The following DGKB variants were observed in gnomAD, a reference collection of about 807,000 sequenced individuals.
DGKB encodes the protein 90 kDa diacylglycerol kinase.
A neutral mutation model predicts 114.3 loss-of-function variants in DGKB; 67 were observed. The ratio of observed to expected loss-of-function variants is 0.59; its 90% CI spans 0.48 to 0.72. The LOEUF (loss-of-function observed/expected upper bound fraction) is 0.72, where lower values mean the gene tolerates loss of function less well. Among genes scored for constraint, DGKB ranks in the 30% least tolerant of loss-of-function variants. The probability of loss-of-function intolerance (pLI) is 0.00; values close to 1 mark genes in which losing one functional copy is unlikely to be tolerated. For missense variants in DGKB, 907 were observed against 975.2 expected (o/e 0.93, Z 0.93); for synonymous variants, 398 against 323.1 (o/e 1.23, Z -2.49).
intron 23 of DGKB, among the ~76,000 whole-genome samples, chr7:14,281,095 T>C (rs1799875552): frequency 2.0e-5 from 3 of 147,328 alleles, no homozygotes; most frequent in Admixed American, 6.8e-5. Flanking sequence ...GACCCATCAG[T>C]GTGCTGTATT....
At chr7:14,893,188 T>C (rs1781561808) in intron 1 of DGKB, among the ~76,000 whole-genome samples, 1 of 151,220 alleles carries the variant, frequency 6.6e-6, no homozygotes, top group Non-Finnish European at 1.5e-5. Flanking sequence ...ACTCAACAAG[T>C]TTTTGTCTGG....
chr7:14,409,534 C>T lies in DGKB; in HGVS notation c.1836-64143G>A, dbSNP rs1272190627. 2.6e-4 allele frequency among the ~76,000 whole-genome samples: 11 copies of T among 42,790 alleles called. 3 individuals carry two copies. Among genetic ancestry groups the T allele is most frequent in the African/African-American group, 5.1e-4 (8 of 15,574 alleles). The allele number at this position is 42,790 out of a possible 152,430, so 28.1% of individuals were successfully genotyped here. A position where few individuals can be genotyped will look rare whatever the true frequency, so the allele number is the denominator to read the frequency against. ...CATCCTGGCTAACAAGGTGAAACCC[C>T]GTCTCTACTAAAAATACAAAAAATT... On this transcript the variant is annotated intron_variant, in intron 21 of 25. Coordinates refer to ENST00000402815, the MANE Select transcript of DGKB (RefSeq NM_001350709.2).
intron 17 of DGKB, among the ~76,000 whole-genome samples, chr7:14,590,286 G>C (rs1299033812): frequency 2.0e-5 from 3 of 151,654 alleles, no homozygotes; most frequent in Non-Finnish European, 4.4e-5. Context: ...TACTTCTGTA[G>C]CAATTTGATT....
At chr7:14,752,390 C>A (rs1472880946) in intron 4 of DGKB, among the ~76,000 whole-genome samples, 1 of 152,040 alleles carries the variant, frequency 6.6e-6, no homozygotes, top group African/African-American at 2.4e-5. Context: ...AAAGAAACTA[C>A]AATACAGAGT....
At chr7:14,850,818 C>T (rs959130077) in intron 1 of DGKB, among the ~76,000 whole-genome samples, 1 of 152,100 alleles carries the variant, frequency 6.6e-6, no homozygotes, top group African/African-American at 2.4e-5. Context: ...AATTTATAGA[C>T]TAAGGAATCT....
intron 13 of DGKB, among the ~76,000 whole-genome samples, chr7:14,646,325 C>A (rs1023476439): frequency 6.6e-6 from 1 of 151,994 alleles, no homozygotes; most frequent in South Asian, 2.1e-4. Context: ...GAGGATATAA[C>A]AATTATAGAA....
intron 25 of DGKB, among the ~76,000 whole-genome samples, chr7:14,175,386 A>G (rs1004679839): frequency 2.6e-5 from 4 of 152,188 alleles, no homozygotes; most frequent in Non-Finnish European, 4.4e-5. Flanking sequence ...AAATCACACT[A>G]TCATTCTTAG....
At chr7:14,428,926 T>A (rs998254325) in intron 21 of DGKB, among the ~76,000 whole-genome samples, 1 of 152,020 alleles carries the variant, frequency 6.6e-6, no homozygotes, top group African/African-American at 2.4e-5. Context: ...ATAAAAAATA[T>A]AAATTTTTTA....
At chr7:14,774,784 T>G (rs1837915673) in intron 2 of DGKB, among the ~76,000 whole-genome samples, 1 of 152,186 alleles carries the variant, frequency 6.6e-6, no homozygotes, top group South Asian at 2.1e-4. Context: ...GTGTTATTGT[T>G]TTAGAATTCT....
intron 2 of DGKB, among the ~76,000 whole-genome samples, chr7:14,805,201 T>TA (rs1842649749): frequency 2.0e-5 from 3 of 152,212 alleles, no homozygotes; most frequent in Admixed American, 6.5e-5. Context: ...AGCATAGCGC[T>TA]ATCACTACAC....
At chr7:14,396,128 G>T (rs1000681876) in intron 21 of DGKB, among the ~76,000 whole-genome samples, 2 of 151,896 alleles carry the variant, frequency 1.3e-5, no homozygotes, top group Non-Finnish European at 2.9e-5. Context: ...TTATGAAAGG[G>T]TATATTTATA....
intron 23 of DGKB, among the ~76,000 whole-genome samples, chr7:14,252,131 T>C (rs543189604): frequency 6.6e-6 from 1 of 152,172 alleles, no homozygotes; most frequent in Non-Finnish European, 1.5e-5. Flanking sequence ...ATAATGCATA[T>C]TTGGCTTTCT....
At chr7:14,921,985 T>C (rs752022174) in intron 1 of DGKB, among the ~76,000 whole-genome samples, 1 of 152,152 alleles carries the variant, frequency 6.6e-6, no homozygotes, top group African/African-American at 2.4e-5. Flanking sequence ...TATCATTCAA[T>C]CAGAACTGTA....
At chr7:14,483,746 G>A (rs1216589136) in intron 20 of DGKB, among the ~76,000 whole-genome samples, 3 of 152,164 alleles carry the variant, frequency 2.0e-5, no homozygotes, top group Non-Finnish European at 4.4e-5. Context: ...GATTAGACAG[G>A]AGGAGACGAT....
chr7:14,877,844 G>T (rs1853546782), intron 1 of DGKB, among the ~76,000 whole-genome samples: 1 of 152,022 alleles, frequency 6.6e-6, no homozygotes, highest in African/African-American at 2.4e-5. Context: ...ATACTGACTT[G>T]CTATTAGGAA....
chr7:14,860,715 G>C (rs1429561846), intron 1 of DGKB, among the ~76,000 whole-genome samples: 2 of 151,822 alleles, frequency 1.3e-5, no homozygotes, highest in Admixed American at 1.3e-4. Flanking sequence ...GTTATACTAT[G>C]TTTAGAGGAT....
chr7:14,586,082 T>G (rs1800714012), intron 17 of DGKB, among the ~76,000 whole-genome samples: 1 of 152,078 alleles, frequency 6.6e-6, no homozygotes, highest in South Asian at 2.1e-4. Context: ...AATCAAAAGC[T>G]AGAAATTATT....
chr7:14,317,622 A>C (rs62443933), intron 23 of DGKB, among the ~76,000 whole-genome samples: 7,729 of 133,208 alleles, frequency 0.058, 564 homozygotes, highest in African/African-American at 0.17. Flanking sequence ...ACCACTGCTC[A>C]AGGAAATAAA....
At chr7:14,722,691 A>AG (rs1409816889) in intron 5 of DGKB, among the ~76,000 whole-genome samples, 2 of 151,556 alleles carry the variant, frequency 1.3e-5, no homozygotes, top group African/African-American at 4.9e-5. Context: ...ACATGCTTGT[A>AG]GTCCCAGATA....
Sources: gnomAD v4.1 joint callset for allele counts (sites outside exome capture counted in the v4.1 genomes callset) on GRCh38, gnomAD v4.1.1 for gene constraint, MANE v1.5 for transcripts, NCBI Gene and HGNC (gene_info 2026-07-23, HGNC 2026-07-21) for gene names.